SLC9B2: variants seen among roughly 807,000 people sequenced by gnomAD.
SLC9B2 encodes the protein solute carrier family 9 member B2.
SLC9B2 carries 39 observed loss-of-function variants against 52.2 expected under a neutral mutation model. The observed-to-expected ratio is 0.75, with a 90% confidence interval of 0.58 to 0.98. The LOEUF (loss-of-function observed/expected upper bound fraction) is 0.98, where lower values mean the gene tolerates loss of function less well. Ranked by LOEUF, SLC9B2 falls within the 50% of genes least tolerant of loss-of-function variation. SLC9B2 has a pLI of 0.00. For synonymous variants in SLC9B2, 214 were observed against 227.0 expected, an observed-to-expected ratio of 0.94 and a Z score of 0.51; for missense variants, 626 against 637.5, an observed-to-expected ratio of 0.98 and a Z score of 0.19.
At chr4:103,046,950 T>G (rs1417496455) in intron 7 of SLC9B2, 101 bp downstream of exon 7, 4 of 1,364,618 alleles carry the variant, frequency 2.9e-6, no homozygotes, top group Non-Finnish European at 4.0e-6. Flanking sequence ...TATTTTTAAT[T>G]TGCCTTAATC....
In SLC9B2 at chr4:103,055,845, C is replaced by G. The variant is rs376649591; in HGVS notation, c.442+1956G>C. Among the ~76,000 whole-genome samples, 167 of 151,104 alleles carry G rather than the reference C, an allele frequency of 1.1e-3. 1 individual carries two copies. Among genetic ancestry groups the G allele is most frequent in the African/African-American group, 3.9e-3 (162 of 41,136 alleles). On this transcript the variant is annotated intron_variant, in intron 4 of 11. Coordinates refer to ENST00000394785, the MANE Select transcript of SLC9B2 (RefSeq NM_178833.7). The stretch of plus-strand genomic sequence containing the variant: ...TTGAGGCGGATTCTCGCTCGGTCAC[C>G]CAGGCTGGAGTGCAGTGGCGCGATC...
At chr4:103,036,358 A>C (rs906881669) in intron 9 of SLC9B2, among the ~76,000 whole-genome samples, 1 of 152,162 alleles carries the variant, frequency 6.6e-6, no homozygotes, top group Admixed American at 6.5e-5. Flanking sequence ...CATGATAAAC[A>C]CTGCGGCCTA....
At chr4:103,064,416 T>C (rs559124255) in intron 3 of SLC9B2, among the ~76,000 whole-genome samples, 7 of 152,344 alleles carry the variant, frequency 4.6e-5, no homozygotes, top group African/African-American at 1.7e-4. Flanking sequence ...ATACTGCATG[T>C]TCTCACTCAT....
At chr4:103,060,528 GT>G (rs1220473145) in intron 3 of SLC9B2, among the ~76,000 whole-genome samples, 88 of 114,952 alleles carry the variant, frequency 7.7e-4, no homozygotes, top group East Asian at 1.9e-3. Flanking sequence ...CCTTTTGCAT[GT>G]TTTTTTTGTT....
downstream of SLC9B2, chr4:103,020,031 A>G: frequency 1.6e-6 from 1 of 626,920 alleles, no homozygotes. Context: ...GTAGAAGAGC[A>G]CGGTCTCTCC....
intron 9 of SLC9B2, among the ~76,000 whole-genome samples, chr4:103,035,512 C>T (rs1445025131): frequency 6.6e-6 from 1 of 152,106 alleles, no homozygotes; most frequent in African/African-American, 2.4e-5. Context: ...AATAGGATTG[C>T]TGAGTCAAAT....
chr4:103,044,775 A>C, intron 8 of SLC9B2, 115 bp downstream of exon 8: 1 of 841,260 alleles, frequency 1.2e-6, no homozygotes, highest in Admixed American at 2.2e-5. Context: ...CAATTTTAAA[A>C]TGAGGAACCA....
chr4:103,041,673 A>G (rs540703178), intron 9 of SLC9B2, among the ~76,000 whole-genome samples: 7 of 152,170 alleles, frequency 4.6e-5, no homozygotes, highest in Non-Finnish European at 1.0e-4. Context: ...TTAAACTGCA[A>G]AAGTTTAGAA....
At chr4:103,058,971 G>GC (rs1745397149) in intron 3 of SLC9B2, among the ~76,000 whole-genome samples, 1 of 152,038 alleles carries the variant, frequency 6.6e-6, no homozygotes, top group Non-Finnish European at 1.5e-5. Context: ...GGAAGCTGAG[G>GC]CAGGAGGATC....
At chr4:103,020,298 G>T, downstream of SLC9B2, 1 of 429,572 alleles carries the variant, frequency 2.3e-6, no homozygotes, top group Non-Finnish European at 4.6e-6. Flanking sequence ...AAAGTTGTAT[G>T]TGAAAGAAAT....
chr4:103,039,473 G>C (rs1270019046), intron 9 of SLC9B2, among the ~76,000 whole-genome samples: 1 of 151,898 alleles, frequency 6.6e-6, no homozygotes, highest in Non-Finnish European at 1.5e-5. Flanking sequence ...TTTAGAATAA[G>C]GTAAGAAAAG....
At chr4:103,019,695 G>C, downstream of SLC9B2, 1 of 985,532 alleles carries the variant, frequency 1.0e-6, no homozygotes, top group Non-Finnish European at 1.2e-6. Flanking sequence ...GCAGGGTGGT[G>C]ACGCGAAAGC....
intron 2 of SLC9B2, 144 bp from the exon 3 acceptor site, chr4:103,066,651 A>T (rs1746156645): frequency 1.4e-6 from 1 of 705,874 alleles, no homozygotes; most frequent in Non-Finnish European, 2.2e-6. Flanking sequence ...CAGCTTTATT[A>T]CTAGCTAATC....
chr4:103,071,060 A>AG (rs1746574235), intron 1 of SLC9B2, among the ~76,000 whole-genome samples: 1 of 152,200 alleles, frequency 6.6e-6, no homozygotes, highest in Non-Finnish European at 1.5e-5. Context: ...AGAAGGAAAC[A>AG]GAAAAAAAAA....
intron 9 of SLC9B2, among the ~76,000 whole-genome samples, chr4:103,033,903 T>C (rs1742921090): frequency 6.6e-6 from 1 of 152,188 alleles, no homozygotes; most frequent in Non-Finnish European, 1.5e-5. Flanking sequence ...ATAGATTCAA[T>C]GATATTCCTA....
intron 7 of SLC9B2, among the ~76,000 whole-genome samples, chr4:103,045,347 T>G (rs1214821155): frequency 6.6e-6 from 1 of 152,172 alleles, no homozygotes; most frequent in Non-Finnish European, 1.5e-5. Context: ...CTAAATAAAA[T>G]TACCTCTGAA....
At chr4:103,071,112 G>A (rs565049242) in intron 1 of SLC9B2, among the ~76,000 whole-genome samples, 32 of 152,028 alleles carry the variant, frequency 2.1e-4, no homozygotes, top group South Asian at 1.7e-3. Flanking sequence ...AAATGGAAGA[G>A]GAGTGGCTGG....
At chr4:103,060,724 G>T (rs1414921853) in intron 3 of SLC9B2, among the ~76,000 whole-genome samples, 3 of 151,944 alleles carry the variant, frequency 2.0e-5, no homozygotes, top group Non-Finnish European at 1.5e-5. Context: ...GCCTTAGGTT[G>T]AATGAGTTTT....
intron 4 of SLC9B2, among the ~76,000 whole-genome samples, chr4:103,053,959 T>C (rs1455788996): frequency 6.6e-6 from 1 of 152,070 alleles, no homozygotes; most frequent in Non-Finnish European, 1.5e-5. Flanking sequence ...CGCCTCGGCC[T>C]CCCAAACCAG....
Sources: allele counts gnomAD v4.1 joint callset (sites outside exome capture counted in the v4.1 genomes callset), GRCh38; gene constraint gnomAD v4.1.1; transcripts MANE v1.5; gene names NCBI Gene and HGNC (gene_info 2026-07-23, HGNC 2026-07-21).